The following PRKCA variants were observed in gnomAD, a reference collection of about 807,000 sequenced individuals.
The protein encoded by PRKCA is protein kinase C alpha.
Under a neutral mutation model 87.0 loss-of-function variants are expected in PRKCA, and 27 were observed. That is an observed-to-expected ratio of 0.31 (90% confidence interval 0.23 to 0.43). The LOEUF is 0.43. PRKCA is among the 20% of genes least tolerant of loss of function. The pLI is 1.00. For missense variants in PRKCA, 518 were observed against 852.3 expected (o/e 0.61, Z 4.88); for synonymous variants, 329 against 311.1 (o/e 1.06, Z -0.61).
intron 11 of PRKCA, among the ~76,000 whole-genome samples, chr17:66,740,481 C>T (rs1974135142): frequency 6.6e-6 from 1 of 152,132 alleles, no homozygotes; most frequent in South Asian, 2.1e-4. Flanking sequence ...CTAAGAGACA[C>T]ATTGGAAGAA....
At chr17:66,713,229 T>A (rs996316773) in intron 8 of PRKCA, among the ~76,000 whole-genome samples, 1 of 152,006 alleles carries the variant, frequency 6.6e-6, no homozygotes. Flanking sequence ...TTTTTTTACT[T>A]TTTGTAAAGA....
chr17:66,332,912 C>T (rs1043746015), intron 2 of PRKCA, among the ~76,000 whole-genome samples: 3 of 152,228 alleles, frequency 2.0e-5, no homozygotes, highest in Middle Eastern at 3.4e-3. Context: ...AGGATGGTCT[C>T]AATCTCCTGA....
chr17:66,741,603 G>A (rs1272238374), intron 11 of PRKCA, 56 bp from the exon 12 acceptor site: 2 of 1,554,536 alleles, frequency 1.3e-6, no homozygotes, highest in East Asian at 2.2e-5. Context: ...AGAATGTAAA[G>A]TATACAGGCA....
chr17:66,681,193 C>T (rs1215144220), intron 5 of PRKCA, among the ~76,000 whole-genome samples: 1 of 152,190 alleles, frequency 6.6e-6, no homozygotes. Context: ...TGCGCCACTG[C>T]ACTCCAGCCT....
chr17:66,788,337 T>C (rs1975450272), intron 15 of PRKCA, among the ~76,000 whole-genome samples: 2 of 152,206 alleles, frequency 1.3e-5, no homozygotes. Context: ...CGGAATTAAC[T>C]AGTCGCCTTC....
In PRKCA at chr17:66,337,071, G is replaced by A. The variant is rs368107903; in HGVS notation, c.205+30944G>A. Among the ~76,000 whole-genome samples, 10 of 152,200 alleles carry A rather than the reference G, an allele frequency of 6.6e-5. No homozygotes were observed. In the East Asian group the frequency reaches 1.4e-3, roughly 21 times the overall value. On this transcript the variant is annotated intron_variant, in intron 2 of 16. Coordinates refer to ENST00000413366, the MANE Select transcript of PRKCA (RefSeq NM_002737.3). The stretch of plus-strand genomic sequence containing the variant: ...CTCCCAAAGTGCTGGGATTACAGGC[G>A]TGAGCCACCGTGCCCAGCCAGACGT...
intron 3 of PRKCA, among the ~76,000 whole-genome samples, chr17:66,498,456 C>A (rs1452220954): frequency 6.6e-6 from 1 of 152,132 alleles, no homozygotes; most frequent in Non-Finnish European, 1.5e-5. Context: ...AGTAGTTTGT[C>A]TGACTCCCTT....
chr17:66,517,179 G>A (rs113093213), intron 3 of PRKCA, among the ~76,000 whole-genome samples: 2 of 152,150 alleles, frequency 1.3e-5, no homozygotes, highest in African/African-American at 4.8e-5. Context: ...AGCTACTTGG[G>A]AGGCTGAGGC....
chr17:66,794,805 G>C (rs1975628819), intron 16 of PRKCA, among the ~76,000 whole-genome samples: 1 of 151,916 alleles, frequency 6.6e-6, no homozygotes, highest in African/African-American at 2.4e-5. Flanking sequence ...TATATTTTTA[G>C]TAGAGATGGG....
intron 5 of PRKCA, among the ~76,000 whole-genome samples, chr17:66,667,426 C>A (rs1791673600): frequency 1.3e-5 from 2 of 152,200 alleles, no homozygotes; most frequent in South Asian, 4.1e-4. Flanking sequence ...ATGGTGGAAT[C>A]TTCACATGGC....
chr17:66,761,146 C>T (rs973179322), intron 13 of PRKCA, among the ~76,000 whole-genome samples: 30 of 151,914 alleles, frequency 2.0e-4, no homozygotes, highest in African/African-American at 6.8e-4. Context: ...CCGAGGTGGG[C>T]GGATCACAAG....
chr17:66,553,888 G>A (rs1168334321), intron 3 of PRKCA, among the ~76,000 whole-genome samples: 1 of 152,180 alleles, frequency 6.6e-6, no homozygotes, highest in Non-Finnish European at 1.5e-5. Context: ...GTGTGGCCGG[G>A]GTGATCCAGA....
chr17:66,579,889 GT>G (rs1199574334), intron 3 of PRKCA, among the ~76,000 whole-genome samples: 2 of 152,106 alleles, frequency 1.3e-5, no homozygotes, highest in Non-Finnish European at 2.9e-5. Context: ...AAAATCGGGG[GT>G]TGGACTTCCC....
At position 66,513,565 on chromosome 17, in the gene PRKCA, G is replaced by T. The variant is rs185194432; in HGVS notation, c.288+17282G>T. On this transcript the variant is annotated intron_variant, in intron 3 of 16. Transcript: ENST00000413366. ...CTTGAGAATAATTTGTATCTAATAG[G>T]ATCCTAACCTTGAATATTATGGCTG... Among the ~76,000 whole-genome samples the T allele has an allele frequency of 2.3e-3, 355 of 152,272 alleles. 2 individuals are homozygous for T. Among genetic ancestry groups the T allele is most frequent in the African/African-American group, 7.9e-3 (328 of 41,538 alleles).
chr17:66,772,168 G>A (rs11650350), intron 13 of PRKCA, among the ~76,000 whole-genome samples: 2,632 of 152,202 alleles, frequency 0.017, 34 homozygotes, highest in Admixed American at 0.026. Flanking sequence ...TATCATCCCC[G>A]GGTAATAGAC....
rs145434473 is a variant in PRKCA at position 66,498,760 on chromosome 17, G to A, written c.288+2477G>A. Among the ~76,000 whole-genome samples, 948 of 152,344 alleles carry A rather than the reference G, an allele frequency of 6.2e-3. 4 individuals carry two copies. The highest frequency in any genetic ancestry group is 9.9e-3 in the Admixed American group (152 of 15,308). On this transcript the variant is annotated intron_variant, in intron 3 of 16. Transcript: ENST00000413366. ...GACAAAAGGAAGGGTGTGTGTGTGC[G>A]TGCGTACGCGCATGTGTGCACACAT...
intron 16 of PRKCA, among the ~76,000 whole-genome samples, chr17:66,794,694 C>T (rs112663527): frequency 1.3e-5 from 2 of 149,644 alleles, no homozygotes; most frequent in African/African-American, 4.9e-5. Context: ...GATATCAGCT[C>T]ACTGCAACCT....
intron 12 of PRKCA, 107 bp from the exon 13 acceptor site, chr17:66,742,515 T>C: frequency 8.6e-7 from 1 of 1,163,794 alleles, no homozygotes; most frequent in Non-Finnish European, 1.2e-6. Context: ...ATAGTTAATA[T>C]TGCCATTGAG....
At chr17:66,308,816 C>G (rs531562104) in intron 2 of PRKCA, among the ~76,000 whole-genome samples, 11 of 152,136 alleles carry the variant, frequency 7.2e-5, no homozygotes, top group Non-Finnish European at 1.5e-5. Context: ...TGGCTCCTAC[C>G]GCAAAATTAA....
Sources: gnomAD v4.1 joint callset for allele counts (sites outside exome capture counted in the v4.1 genomes callset) on GRCh38, gnomAD v4.1.1 for gene constraint, MANE v1.5 for transcripts, NCBI Gene and HGNC (gene_info 2026-07-23, HGNC 2026-07-21) for gene names.